The following SPIRE1 variants were observed in gnomAD, a reference collection of about 807,000 sequenced individuals.
SPIRE1 encodes spire type actin nucleation factor 1.
A neutral mutation model predicts 94.1 loss-of-function variants in SPIRE1; 40 were observed. The observed-to-expected ratio is 0.43, with a 90% CI of 0.33 to 0.55. SPIRE1 has a LOEUF of 0.55. SPIRE1 is among the 20% of genes least tolerant of loss of function. The probability of loss-of-function intolerance (pLI) is 0.06; values close to 1 mark genes in which losing one functional copy is unlikely to be tolerated. For missense variants in SPIRE1, 838 were observed against 975.2 expected (o/e 0.86, Z 1.87); for synonymous variants, 376 against 371.7 (o/e 1.01, Z -0.13).
chr18:12,530,286 C>CA (rs1399302147), intron 4 of SPIRE1, among the ~76,000 whole-genome samples: 1 of 152,100 alleles, frequency 6.6e-6, no homozygotes, highest in East Asian at 1.9e-4. Context: ...ATAAATAGAA[C>CA]AAAAAATTTA....
At chr18:12,512,581 C>G (rs2034070426) in intron 4 of SPIRE1, 50 bp from the exon 5 acceptor site, 1 of 1,124,362 alleles carries the variant, frequency 8.9e-7, no homozygotes, top group South Asian at 1.3e-5. Flanking sequence ...GTTATCTTCT[C>G]AAATTAAAAT....
intron 2 of SPIRE1, among the ~76,000 whole-genome samples, chr18:12,552,214 G>C (rs2035371310): frequency 6.6e-6 from 1 of 152,190 alleles, no homozygotes; most frequent in African/African-American, 2.4e-5. Context: ...GGCACTCTAA[G>C]CCACAAGGAC....
chr18:12,648,672 C>T (rs2038291359), intron 1 of SPIRE1, among the ~76,000 whole-genome samples: 1 of 151,764 alleles, frequency 6.6e-6, no homozygotes, highest in Non-Finnish European at 1.5e-5. Context: ...GACAGATCAC[C>T]TGAGGTCAGG....
intron 12 of SPIRE1, among the ~76,000 whole-genome samples, chr18:12,455,446 T>A (rs890506446): frequency 6.6e-6 from 1 of 152,210 alleles, no homozygotes; most frequent in Non-Finnish European, 1.5e-5. Flanking sequence ...TTCTCTAGAT[T>A]TGTTGTTACT....
rs1024375384 is a variant in SPIRE1, at chr18:12,461,509, C to T, written c.1638+1842G>A. On this transcript the variant is annotated intron_variant, in intron 12 of 16. Transcript: ENST00000409402. ...ATGTGTGTATGCACGTACATATGTA[C>T]GTACATACATATGTGTGGTATGTAC... 1.6e-4 allele frequency among the ~76,000 whole-genome samples: 15 copies of T among 94,304 alleles called. 1 individual carries two copies. The highest frequency in any genetic ancestry group is 6.7e-4 in the Admixed American group (7 of 10,444). The allele number at this position is 94,304 out of a possible 152,430, so 61.9% of individuals were successfully genotyped here.
chr18:12,544,336 A>T (rs760105712), intron 3 of SPIRE1, among the ~76,000 whole-genome samples: 2 of 151,558 alleles, frequency 1.3e-5, no homozygotes, highest in Non-Finnish European at 2.9e-5. Context: ...ACTAGCTGGG[A>T]CTACAGGTAT....
At chr18:12,539,269 T>C (rs1035217904) in intron 3 of SPIRE1, among the ~76,000 whole-genome samples, 8 of 152,128 alleles carry the variant, frequency 5.3e-5, no homozygotes, top group African/African-American at 1.9e-4. Context: ...CCCCTTGCTG[T>C]TCTCATGACA....
intron 2 of SPIRE1, among the ~76,000 whole-genome samples, chr18:12,578,379 G>A (rs916283490): frequency 1.7e-4 from 26 of 152,164 alleles, no homozygotes; most frequent in South Asian, 1.7e-3. Context: ...ACAAAGGGAC[G>A]CACTACTAGT....
At chr18:12,480,698 G>C (rs2032807156) in intron 9 of SPIRE1, among the ~76,000 whole-genome samples, 1 of 152,192 alleles carries the variant, frequency 6.6e-6, no homozygotes, top group Non-Finnish European at 1.5e-5. Flanking sequence ...TCATGCCACA[G>C]CTGATCCATG....
chr18:12,553,272 C>T (rs1050991910), intron 2 of SPIRE1, among the ~76,000 whole-genome samples: 4 of 152,226 alleles, frequency 2.6e-5, no homozygotes, highest in Admixed American at 6.5e-5. Flanking sequence ...CAAGTAGGCT[C>T]TTGGGGCTCC....
At chr18:12,611,575 A>G (rs1181227595) in intron 2 of SPIRE1, among the ~76,000 whole-genome samples, 1 of 152,272 alleles carries the variant, frequency 6.6e-6, no homozygotes, top group Non-Finnish European at 1.5e-5. Context: ...ACACTGAGCC[A>G]GAATCACCCA....
At chr18:12,450,715 T>C (rs911632044) in intron 16 of SPIRE1, 9 of 657,354 alleles carry the variant, frequency 1.4e-5, no homozygotes, top group Admixed American at 4.4e-5. Flanking sequence ...AGGATCCTAA[T>C]GCCCCGAAAA....
intron 10 of SPIRE1, among the ~76,000 whole-genome samples, chr18:12,467,934 A>T (rs1262891174): frequency 6.6e-6 from 1 of 152,068 alleles, no homozygotes; most frequent in Non-Finnish European, 1.5e-5. Context: ...GGGCAAGAAG[A>T]GTGAAACTCC....
intron 6 of SPIRE1, among the ~76,000 whole-genome samples, chr18:12,498,651 C>T (rs1261580658): frequency 2.6e-5 from 4 of 152,082 alleles, no homozygotes; most frequent in African/African-American, 4.8e-5. Context: ...TTTTGCGACA[C>T]GGGCTTGTTC....
intron 2 of SPIRE1, 38 bp downstream of exon 2, chr18:12,635,024 A>C (rs1425047410): frequency 7.7e-7 from 1 of 1,305,250 alleles, no homozygotes; most frequent in Non-Finnish European, 1.1e-6. Context: ...AGGACTGCAA[A>C]GCTGCTTTAC....
Position 12,452,521 on chromosome 18 carries a change from A to C in SPIRE1, c.1848-9T>G. On this transcript the variant is annotated splice_polypyrimidine_tract_variant and intron_variant, in intron 14 of 16. Coordinates refer to ENST00000409402, the MANE Select transcript of SPIRE1 (RefSeq NM_001128626.2). ...ACTGTGAGCACACCGGCCTGTAAAC[A>C]AAATCATAAATGTTATTTGGCATGA... 6.2e-7 allele frequency: 1 copy of C among 1,613,836 alleles called. No individual in the cohort carries two copies. Among genetic ancestry groups the C allele is most frequent in the Non-Finnish European group, 8.5e-7 (1 of 1,180,016 alleles).
intron 2 of SPIRE1, among the ~76,000 whole-genome samples, chr18:12,586,859 T>C (rs1040354820): frequency 6.6e-6 from 1 of 152,210 alleles, no homozygotes; most frequent in Non-Finnish European, 1.5e-5. Flanking sequence ...TGTAGGTTTT[T>C]TGAGAAAACA....
At chr18:12,500,625 T>C (rs1185942801) in intron 6 of SPIRE1, among the ~76,000 whole-genome samples, 1 of 152,012 alleles carries the variant, frequency 6.6e-6, no homozygotes, top group African/African-American at 2.4e-5. Flanking sequence ...ATACCCCAAA[T>C]AACTGAAAAC....
At chr18:12,469,625 T>C (rs2032263981) in intron 10 of SPIRE1, among the ~76,000 whole-genome samples, 2 of 144,852 alleles carry the variant, frequency 1.4e-5, no homozygotes, top group Non-Finnish European at 3.0e-5. Context: ...TATATAAATG[T>C]AATTATTTAT....
Sources: allele counts gnomAD v4.1 joint callset (sites outside exome capture counted in the v4.1 genomes callset), GRCh38; gene constraint gnomAD v4.1.1; transcripts MANE v1.5; gene names NCBI Gene and HGNC (gene_info 2026-07-23, HGNC 2026-07-21).